The following PTPRD variants were observed in gnomAD, a reference collection of about 807,000 sequenced individuals.
The protein encoded by PTPRD is receptor-type tyrosine-protein phosphatase delta.
PTPRD carries 34 observed loss-of-function variants against 214.5 expected under a neutral mutation model. The observed-to-expected ratio is 0.16, with a 90% CI of 0.12 to 0.21. The LOEUF is 0.21. PTPRD is among the 10% of genes least tolerant of loss of function. The pLI is 1.00. For synonymous variants in PTPRD, 1,128 were observed against 845.7 expected (o/e 1.33, Z -5.79); for missense variants, 2,545 against 2,398.7 (o/e 1.06, Z -1.27).
intron 11 of PTPRD, among the ~76,000 whole-genome samples, chr9:8,895,638 T>G (rs2098603148): frequency 6.6e-6 from 1 of 152,212 alleles, no homozygotes; most frequent in East Asian, 1.9e-4. Flanking sequence ...CTGCATTCGC[T>G]TTTTAATGCT....
At chr9:8,776,220 G>A (rs1251882420) in intron 11 of PTPRD, among the ~76,000 whole-genome samples, 5 of 152,294 alleles carry the variant, frequency 3.3e-5, no homozygotes, top group South Asian at 2.1e-4. Flanking sequence ...CCTGCACAAG[G>A]CATACAACTA....
intron 9 of PTPRD, among the ~76,000 whole-genome samples, chr9:9,293,641 C>A (rs1160743932): frequency 6.6e-6 from 1 of 151,504 alleles, no homozygotes; most frequent in Non-Finnish European, 1.5e-5. Flanking sequence ...CCGTAATACC[C>A]CCTTATCCTT....
intron 2 of PTPRD, among the ~76,000 whole-genome samples, chr9:10,544,224 T>A (rs1022639065): frequency 3.9e-5 from 6 of 152,086 alleles, no homozygotes; most frequent in African/African-American, 1.2e-4. Context: ...AAATTATGTA[T>A]GGTGTCCCTA....
At chr9:8,351,157 T>C (rs10739159) in intron 39 of PTPRD, among the ~76,000 whole-genome samples, 73,167 of 152,068 alleles carry the variant, frequency 0.48, 20,532 homozygotes, top group Non-Finnish European at 0.64. Context: ...ATCCATGTAT[T>C]GACCCTCTCC....
At chr9:9,767,376 T>C (rs1243201104) in intron 5 of PTPRD, among the ~76,000 whole-genome samples, 1 of 152,094 alleles carries the variant, frequency 6.6e-6, no homozygotes, top group South Asian at 2.1e-4. Context: ...GCATCTAGAA[T>C]GAAGGCACAG....
chr9:8,626,901 T>C (rs1229004976), intron 14 of PTPRD, among the ~76,000 whole-genome samples: 1 of 151,710 alleles, frequency 6.6e-6, no homozygotes, highest in Non-Finnish European at 1.5e-5. Flanking sequence ...AATAAGGCTC[T>C]TCCTATATAT....
At chr9:9,291,217 CAA>C (rs1414523805) in intron 9 of PTPRD, among the ~76,000 whole-genome samples, 1 of 151,392 alleles carries the variant, frequency 6.6e-6, no homozygotes, top group Non-Finnish European at 1.5e-5. Context: ...AACACTGACT[CAA>C]GAGTAGTGGT....
At chr9:9,322,205 C>G (rs1966850278) in intron 9 of PTPRD, among the ~76,000 whole-genome samples, 1 of 152,146 alleles carries the variant, frequency 6.6e-6, no homozygotes, top group African/African-American at 2.4e-5. Flanking sequence ...ACATTCCAAA[C>G]CAGTAGAGTC....
chr9:10,147,561 G>A (rs1389308841), intron 3 of PTPRD, among the ~76,000 whole-genome samples: 1 of 152,076 alleles, frequency 6.6e-6, no homozygotes, highest in Non-Finnish European at 1.5e-5. Flanking sequence ...GGTCTAAAAG[G>A]AAGAAGAGTT....
At chr9:10,120,178 G>A (rs1489844744) in intron 3 of PTPRD, among the ~76,000 whole-genome samples, 2 of 151,958 alleles carry the variant, frequency 1.3e-5, no homozygotes, top group Non-Finnish European at 2.9e-5. Context: ...TACATTTTCT[G>A]TATGTAAGGC....
At chr9:10,511,626 G>C (rs190361972) in intron 2 of PTPRD, among the ~76,000 whole-genome samples, 56 of 146,542 alleles carry the variant, frequency 3.8e-4, no homozygotes, top group Admixed American at 3.0e-3. Flanking sequence ...ATGTTGGTCA[G>C]GCTGGTCTTG....
At chr9:10,214,122 T>A (rs978772867) in intron 3 of PTPRD, among the ~76,000 whole-genome samples, 6 of 152,172 alleles carry the variant, frequency 3.9e-5, no homozygotes, top group Admixed American at 3.9e-4. Flanking sequence ...GGAATTTTAC[T>A]AGTATGCTTT....
chr9:10,612,227 A>C (rs907025328), intron 2 of PTPRD, among the ~76,000 whole-genome samples, 171 bp downstream of exon 2: 17 of 151,798 alleles, frequency 1.1e-4, no homozygotes, highest in African/African-American at 4.1e-4. Context: ...AAAAAAAAGA[A>C]AAAAATGCTT....
At position 8,314,673 on chromosome 9, in the gene PTPRD, TAAAGC is replaced by T. The variant is rs1820901375; in HGVS notation, c.*3196_*3200del. 3 of 231,962 alleles carry T rather than the reference TAAAGC, an allele frequency of 1.3e-5. No individual in the cohort carries two copies. Among genetic ancestry groups the T allele is most frequent in the South Asian group, 1.8e-4 (1 of 5,516 alleles). The allele number at this position is 231,962 out of a possible 1,614,324, so 14.4% of individuals were successfully genotyped here. ...AAAGGGAATTAAAAATAAAAGGACT[TAAAGC>T]AAAACCGAAAATAAACAGGAAAGAA... On this transcript the variant is annotated 3_prime_UTR_variant, in exon 46 of 46. Coordinates refer to ENST00000381196, the MANE Select transcript of PTPRD (RefSeq NM_002839.4).
intron 9 of PTPRD, among the ~76,000 whole-genome samples, chr9:9,240,109 A>G (rs2099969635): frequency 6.6e-6 from 1 of 152,214 alleles, no homozygotes; most frequent in African/African-American, 2.4e-5. Context: ...TCAATAAGAT[A>G]TAAGTGGAAT....
chr9:10,531,192 C>G (rs10959151), intron 2 of PTPRD, among the ~76,000 whole-genome samples: 36,589 of 151,810 alleles, frequency 0.24, 5,062 homozygotes, highest in Non-Finnish European at 0.32. Flanking sequence ...TCAAGTGATC[C>G]GCCCTCCTCA....
rs140016979 is a variant in PTPRD at position 9,601,111 on chromosome 9, ATGTGTGTGTGTGTG to A, written c.-286-26344_-286-26331del. On this transcript the variant is annotated intron_variant, in intron 7 of 45. Coordinates refer to ENST00000381196, the MANE Select transcript of PTPRD (RefSeq NM_002839.4). ...ATACACTGGGAAAAGAGATTAATAT[ATGTGTGTGTGTGTG>A]TGTGTGTGTGTGTGTGTGTGTGTGT... Among the ~76,000 whole-genome samples the A allele has an allele frequency of 4.1e-4, 40 of 97,530 alleles. 1 individual carries two copies. The highest frequency in any genetic ancestry group is 3.8e-3 in the South Asian group (8 of 2,092). 64.0% of individuals were successfully genotyped at this position (97,530 alleles called of 152,430 possible).
intron 2 of PTPRD, among the ~76,000 whole-genome samples, chr9:10,483,710 T>G (rs940127974): frequency 1.3e-5 from 2 of 151,972 alleles, no homozygotes; most frequent in African/African-American, 4.8e-5. Context: ...AATTACAAAT[T>G]AAAACTGCAA....
At chr9:8,484,948 A>C (rs1260162004) in intron 29 of PTPRD, among the ~76,000 whole-genome samples, 1 of 152,218 alleles carries the variant, frequency 6.6e-6, no homozygotes, top group East Asian at 1.9e-4. Context: ...TCTGGCTGAA[A>C]AACAAAAGCA....
Sources: allele counts gnomAD v4.1 joint callset (sites outside exome capture counted in the v4.1 genomes callset), GRCh38; gene constraint gnomAD v4.1.1; transcripts MANE v1.5; gene names NCBI Gene and HGNC (gene_info 2026-07-23, HGNC 2026-07-21).